IL21R: variants seen among roughly 807,000 people sequenced by gnomAD.
IL21R encodes interleukin-21 receptor.
A neutral mutation model predicts 41.3 loss-of-function variants in IL21R; 14 were observed. The observed-to-expected ratio is 0.34, with a 90% confidence interval of 0.22 to 0.53. IL21R has a LOEUF of 0.53. Among genes scored for constraint, IL21R ranks in the 20% least tolerant of loss-of-function variants. The probability of loss-of-function intolerance (pLI) is 0.94; values close to 1 mark genes in which losing one functional copy is unlikely to be tolerated. For missense variants in IL21R, 588 were observed against 681.6 expected (o/e 0.86, Z 1.53); for synonymous variants, 286 against 287.6 (o/e 0.99, Z 0.05).
At chr16:27,442,807 CA>C in intron 4 of IL21R, 154 bp from the exon 5 acceptor site, 1 of 630,674 alleles carries the variant, frequency 1.6e-6, no homozygotes. Flanking sequence ...GTACTTTGCC[CA>C]AAGTCACTCA....
Position 27,448,627 on chromosome 16 carries a change from C to G in IL21R, c.961C>G (p.Pro321Ala), listed in dbSNP as rs780872071. Reference sequence around the variant, plus strand: ...CACCCTGGAGGTGTACAGCTGCCACCCACCACGGAGCCCGGCCAAGAGGCT... The same window carrying G: ...CACCCTGGAGGTGTACAGCTGCCACGCACCACGGAGCCCGGCCAAGAGGCT... ...PSTLEVYSCHPPRSPAKRLQL... is the reference protein window; with the variant it reads ...PSTLEVYSCHAPRSPAKRLQL... Residue 321 changes from proline (P) to alanine (A), a missense_variant, in exon 9 of 9, where the codon CCA becomes GCA. Transcript: ENST00000337929. 2.5e-6 allele frequency: 4 copies of G among 1,613,032 alleles called. No homozygotes were observed. The Admixed American group carries it at 6.7e-5, about 27-fold the overall frequency.
chr16:27,432,618 T>C (rs917494361), intron 2 of IL21R, among the ~76,000 whole-genome samples: 50 of 152,220 alleles, frequency 3.3e-4, no homozygotes, highest in Admixed American at 3.3e-3. Flanking sequence ...ACCACGAGGA[T>C]ACGAACTCAG....
At chr16:27,412,897 A>G (rs2086842982) in intron 1 of IL21R, among the ~76,000 whole-genome samples, 1 of 152,184 alleles carries the variant, frequency 6.6e-6, no homozygotes, top group Non-Finnish European at 1.5e-5. Flanking sequence ...TCCTACATAT[A>G]AAATCACGTA....
At chr16:27,418,427 GTCGCGA>G (rs1243543031) in intron 1 of IL21R, among the ~76,000 whole-genome samples, 1 of 151,818 alleles carries the variant, frequency 6.6e-6, no homozygotes, top group Non-Finnish European at 1.5e-5. Flanking sequence ...GGAGTGCAGT[GTCGCGA>G]TCTCAGCTCA....
intron 3 of IL21R, 63 bp downstream of exon 3, chr16:27,434,512 C>T (rs572805600): frequency 5.6e-4 from 566 of 1,008,456 alleles, no homozygotes; most frequent in Non-Finnish European, 7.8e-4. Context: ...CAGTGATTCC[C>T]CCAGGAGGAC....
rs141625630 is a variant in IL21R, at chr16:27,449,108, C to T, written c.1442C>T (p.Pro481Leu). ...GGVSESEAGS[P>L]LAGLDMDTFD... is the part of the protein sequence containing the mutation. ...GTCTCAGAGAGTGAGGCGGGCTCAC[C>T]CCTGGCCGGCCTGGATATGGACACG... Residue 481 changes from proline to leucine, a missense_variant, in exon 9 of 9, where the codon CCC becomes CTC. Physicochemically the swap from Pro to Leu is moderately conservative, Grantham distance 98 (BLOSUM62 -3). Transcript: ENST00000337929. 71 of 1,613,342 alleles carry T rather than the reference C, an allele frequency of 4.4e-5. No individual in the cohort carries two copies. The African/African-American group carries it at 8.9e-4, about 20-fold the overall frequency.
chr16:27,434,405 C>T lies in IL21R; in HGVS notation c.108C>T (p.Ile36=), dbSNP rs1247440660. 4 of 1,614,050 alleles carry T rather than the reference C, an allele frequency of 2.5e-6. No homozygotes were observed. In the East Asian group the frequency reaches 6.7e-5, roughly 27 times the overall value. The change falls in exon 3 of 9, where the codon ATC becomes ATT. Residue 36 remains isoleucine (I), a synonymous_variant. Transcript: ENST00000337929. ...ATTACCTCCAGACGGTCATCTGCATCCTGGAAATGTGGAACCTCCACCCCA... is the reference window on the plus strand; with the variant it reads ...ATTACCTCCAGACGGTCATCTGCATTCTGGAAATGTGGAACCTCCACCCCA... ...YTDYLQTVIC[I]LEMWNLHPST... is the part of the protein sequence containing the mutation.
intron 1 of IL21R, among the ~76,000 whole-genome samples, chr16:27,406,649 CT>C (rs1275097052): frequency 1.3e-5 from 2 of 151,988 alleles, no homozygotes; most frequent in Non-Finnish European, 2.9e-5. Context: ...CCCAACATAC[CT>C]GCCTTCAGAC....
chr16:27,403,187 T>A, intron 1 of IL21R: 1 of 1,344,328 alleles, frequency 7.4e-7, no homozygotes, highest in Non-Finnish European at 9.8e-7. Context: ...TGTCGCTGCA[T>A]CTTTCTCATG....
intron 1 of IL21R, among the ~76,000 whole-genome samples, chr16:27,425,013 C>T (rs1436305706): frequency 6.6e-6 from 1 of 152,190 alleles, no homozygotes; most frequent in Non-Finnish European, 1.5e-5. Flanking sequence ...ACTCACTCAT[C>T]ACCAAGCGGA....
intron 1 of IL21R, among the ~76,000 whole-genome samples, chr16:27,418,333 G>C (rs1028203297): frequency 6.6e-6 from 1 of 151,538 alleles, no homozygotes; most frequent in Non-Finnish European, 1.5e-5. Context: ...CTTCCAAAGC[G>C]CTGGGATTAC....
intron 1 of IL21R, among the ~76,000 whole-genome samples, chr16:27,424,144 G>A (rs1027891129): frequency 2.6e-5 from 4 of 151,810 alleles, no homozygotes; most frequent in African/African-American, 4.8e-5. Context: ...GTGCAATCTC[G>A]GCTCACTGCA....
In IL21R at chr16:27,450,870, G is replaced by T. The variant is rs1416336044; in HGVS notation, c.*1587G>T. 1 of 232,972 alleles carries T rather than the reference G, an allele frequency of 4.3e-6. No homozygotes were observed. The highest frequency in any genetic ancestry group is 8.5e-6 in the Non-Finnish European group (1 of 117,934). 14.4% of individuals were successfully genotyped at this position (232,972 alleles called of 1,614,324 possible). A position where few individuals can be genotyped will look rare whatever the true frequency, so the allele number is the denominator to read the frequency against. ...CCAGCTCTAGCTCACCCATGCTTTT[G>T]CAACAGGGTCGGGTTGGAAGTCAGC... is the stretch of plus-strand genomic sequence containing the variant. On this transcript the variant is annotated 3_prime_UTR_variant, in exon 9 of 9. Transcript: ENST00000337929.
At chr16:27,414,756 T>G (rs1377065118) in intron 1 of IL21R, among the ~76,000 whole-genome samples, 1 of 152,228 alleles carries the variant, frequency 6.6e-6, no homozygotes, top group Non-Finnish European at 1.5e-5. Context: ...GATTACAACA[T>G]GCATACTTAT....
intron 1 of IL21R, among the ~76,000 whole-genome samples, chr16:27,405,532 G>C (rs959256193): frequency 6.6e-6 from 1 of 152,198 alleles, no homozygotes; most frequent in Non-Finnish European, 1.5e-5. Flanking sequence ...GGGTCACTCA[G>C]GGAACCGTCT....
At chr16:27,414,906 G>A (rs1442259800) in intron 1 of IL21R, among the ~76,000 whole-genome samples, 1 of 152,086 alleles carries the variant, frequency 6.6e-6, no homozygotes, top group Non-Finnish European at 1.5e-5. Context: ...GTCTGAACAG[G>A]ATCTAGTTTG....
chr16:27,446,153 C>A, intron 8 of IL21R, 65 bp downstream of exon 8: 1 of 1,372,500 alleles, frequency 7.3e-7, no homozygotes, highest in Admixed American at 1.8e-5. Context: ...CCCCACCTCC[C>A]CTCACCCCAG....
chr16:27,441,068 AAAG>A (rs1305626224), intron 4 of IL21R, among the ~76,000 whole-genome samples: 2 of 141,572 alleles, frequency 1.4e-5, no homozygotes, highest in Non-Finnish European at 3.0e-5. Context: ...AAAAAAAAAG[AAAG>A]AAGAGAAAAA....
rs1286748366 is a variant in IL21R, at chr16:27,451,540, C to T, written c.*2257C>T. 4.8e-6 allele frequency: 1 copy of T among 207,550 alleles called. No individual in the cohort carries two copies. 12.9% of individuals were successfully genotyped at this position (207,550 alleles called of 1,614,324 possible). The stretch of plus-strand genomic sequence containing the variant: ...CCTGGGCAACATAGCAAGGCCCCAT[C>T]TCTACAAAAATTATTATTTTTTAAA... On this transcript the variant is annotated 3_prime_UTR_variant, in exon 9 of 9. Transcript: ENST00000337929.
Sources: allele counts gnomAD v4.1 joint callset (sites outside exome capture counted in the v4.1 genomes callset), GRCh38; gene constraint gnomAD v4.1.1; transcripts MANE v1.5; gene names NCBI Gene and HGNC (gene_info 2026-07-23, HGNC 2026-07-21).